GULP1: variants seen among roughly 807,000 people sequenced by gnomAD.
GULP1 encodes GULP PTB domain containing engulfment adaptor 1, also known as PTB domain-containing engulfment adapter protein 1.
A neutral mutation model predicts 40.9 loss-of-function variants in GULP1; 19 were observed. The ratio of observed to expected loss-of-function variants is 0.46; its 90% CI spans 0.32 to 0.68. The LOEUF (loss-of-function observed/expected upper bound fraction) is 0.68. GULP1 is among the 30% of genes least tolerant of loss of function. The pLI, the probability that GULP1 is intolerant of heterozygous loss-of-function variation, is 0.03. For synonymous variants in GULP1, 119 were observed against 117.6 expected (o/e 1.01, Z -0.08); for missense variants, 312 against 362.2 (o/e 0.86, Z 1.12).
chr2:188,496,638 A>G (rs879737013), intron 4 of GULP1, among the ~76,000 whole-genome samples: 1 of 152,010 alleles, frequency 6.6e-6, no homozygotes, highest in Admixed American at 6.6e-5. Flanking sequence ...ATGGTTTTAT[A>G]TGCTTGTGTG....
intron 7 of GULP1, among the ~76,000 whole-genome samples, chr2:188,568,258 C>T (rs1698249269): frequency 6.6e-6 from 1 of 152,048 alleles, no homozygotes; most frequent in African/African-American, 2.4e-5. Flanking sequence ...ATAGCATTTT[C>T]AATATATATT....
intron 1 of GULP1, among the ~76,000 whole-genome samples, chr2:188,328,620 G>A (rs910820066): frequency 5.9e-5 from 9 of 152,080 alleles, no homozygotes; most frequent in African/African-American, 2.2e-4. Context: ...TCCTTTAGTT[G>A]CATCAGCTTT....
chr2:188,553,668 C>T (rs1276379048), intron 7 of GULP1, among the ~76,000 whole-genome samples: 1 of 151,830 alleles, frequency 6.6e-6, no homozygotes, highest in Non-Finnish European at 1.5e-5. Context: ...GTGATCTTGG[C>T]CTTATAGAAT....
chr2:188,307,401 T>C (rs2037282446), intron 1 of GULP1, among the ~76,000 whole-genome samples: 1 of 151,994 alleles, frequency 6.6e-6, no homozygotes, highest in South Asian at 2.1e-4. Context: ...TTTAAAAATA[T>C]TGTGTAATTT....
chr2:188,493,675 C>A (rs545993722), intron 4 of GULP1, among the ~76,000 whole-genome samples: 1 of 152,166 alleles, frequency 6.6e-6, no homozygotes, highest in African/African-American at 2.4e-5. Context: ...ACCTTATCCT[C>A]CTCTATCTGA....
intron 4 of GULP1, among the ~76,000 whole-genome samples, chr2:188,500,832 A>T (rs1167568112): frequency 6.6e-6 from 1 of 151,830 alleles, no homozygotes; most frequent in Non-Finnish European, 1.5e-5. Context: ...TCTTCCCTTA[A>T]TTCGTATCTT....
chr2:188,321,599 G>GTATTTT lies in GULP1; in HGVS notation c.-172+29438_-172+29443dup, dbSNP rs1244518165. On this transcript the variant is annotated intron_variant, in intron 1 of 11. Coordinates refer to ENST00000409830, the MANE Select transcript of GULP1 (RefSeq NM_016315.4). ...GGCACTGTTTATCACTTGTATAGAT[G>GTATTTT]TATTTTTATTGAAATAAACTTTTTA... 3.3e-5 allele frequency among the ~76,000 whole-genome samples: 5 copies of GTATTTT among 151,790 alleles called. No homozygotes were observed. The East Asian group carries it at 9.6e-4, about 29-fold the overall frequency.
rs1312541673 is a variant in GULP1, at chr2:188,541,328, C to G, written c.399+10C>G. 1 of 1,611,082 alleles carries G rather than the reference C, an allele frequency of 6.2e-7. No homozygotes were observed. The highest frequency in any genetic ancestry group is 1.3e-5 in the African/African-American group (1 of 74,808). On this transcript the variant is annotated intron_variant, in intron 7 of 11. Transcript: ENST00000409830. ...TGACAGCGAAAAGTGTGTAAGTATC[C>G]CAGATGTTGTAGGGTGGTTTGTTCT...
chr2:188,324,411 T>C (rs2040454830), intron 1 of GULP1, among the ~76,000 whole-genome samples: 1 of 152,116 alleles, frequency 6.6e-6, no homozygotes, highest in African/African-American at 2.4e-5. Flanking sequence ...TTCAATGCTC[T>C]ATCTTCAAGA....
At chr2:188,446,315 A>C (rs780443288) in intron 2 of GULP1, among the ~76,000 whole-genome samples, 1 of 152,050 alleles carries the variant, frequency 6.6e-6, no homozygotes, top group African/African-American at 2.4e-5. Context: ...GATAATAGCT[A>C]TTTTCTGGGA....
intron 6 of GULP1, among the ~76,000 whole-genome samples, chr2:188,530,537 G>C (rs1687264963): frequency 6.6e-6 from 1 of 152,092 alleles, no homozygotes; most frequent in Non-Finnish European, 1.5e-5. Context: ...AGATTTTAAG[G>C]GTGGGGCCTC....
chr2:188,389,679 T>C (rs1204317041), intron 2 of GULP1, among the ~76,000 whole-genome samples: 1 of 152,138 alleles, frequency 6.6e-6, no homozygotes, highest in Non-Finnish European at 1.5e-5. Flanking sequence ...AATTGTACAG[T>C]GGTGAAGTCT....
intron 4 of GULP1, among the ~76,000 whole-genome samples, chr2:188,521,423 C>A (rs759229719): frequency 3.1e-4 from 47 of 152,066 alleles, no homozygotes; most frequent in Non-Finnish European, 5.0e-4. Context: ...TAAAGACATA[C>A]CCAAGACTGG....
chr2:188,457,496 A>G (rs987925739), intron 2 of GULP1, among the ~76,000 whole-genome samples: 1 of 152,126 alleles, frequency 6.6e-6, no homozygotes, highest in Non-Finnish European at 1.5e-5. Context: ...TGTTGCCATG[A>G]TTGTGAGGCC....
chr2:188,426,352 C>T (rs1461174905), intron 2 of GULP1, among the ~76,000 whole-genome samples: 3 of 152,080 alleles, frequency 2.0e-5, no homozygotes, highest in East Asian at 3.9e-4. Context: ...ATGAAGCTTC[C>T]ATAGAGCAGG....
At chr2:188,483,297 G>A in intron 3 of GULP1, 134 bp from the exon 4 acceptor site, 1 of 442,386 alleles carries the variant, frequency 2.3e-6, no homozygotes, top group Admixed American at 3.8e-5. Flanking sequence ...TATCTGAGTG[G>A]TTATTCTTTG....
chr2:188,387,545 G>A (rs2049945130), intron 2 of GULP1, among the ~76,000 whole-genome samples: 1 of 152,152 alleles, frequency 6.6e-6, no homozygotes, highest in African/African-American at 2.4e-5. Context: ...TAATAGGGCA[G>A]TTTGTAATGG....
intron 1 of GULP1, among the ~76,000 whole-genome samples, chr2:188,326,243 C>T (rs2040747636): frequency 6.6e-6 from 1 of 152,008 alleles, no homozygotes; most frequent in African/African-American, 2.4e-5. Flanking sequence ...TACATACTAT[C>T]TGTGTAAGCT....
chr2:188,498,438 A>G (rs2063111783), intron 4 of GULP1, among the ~76,000 whole-genome samples: 1 of 151,946 alleles, frequency 6.6e-6, no homozygotes. Context: ...TATAGAGCAT[A>G]GTCTTTTTGT....
Sources: gnomAD v4.1 joint callset for allele counts (sites outside exome capture counted in the v4.1 genomes callset) on GRCh38, gnomAD v4.1.1 for gene constraint, MANE v1.5 for transcripts, NCBI Gene and HGNC (gene_info 2026-07-23, HGNC 2026-07-21) for gene names.